The following KCNC1 variants were observed in gnomAD, a reference collection of about 807,000 sequenced individuals.
KCNC1 encodes voltage-gated potassium channel KCNC1.
Under a neutral mutation model 43.4 loss-of-function variants are expected in KCNC1, and 8 were observed. The ratio of observed to expected loss-of-function variants is 0.18; its 90% confidence interval spans 0.11 to 0.33. KCNC1 has a LOEUF of 0.33. Ranked by LOEUF, KCNC1 falls within the 10% of genes least tolerant of loss-of-function variation. KCNC1 has a pLI of 1.00. For missense variants in KCNC1, 420 were observed against 836.0 expected, an observed-to-expected ratio of 0.50 and a Z score of 6.14; for synonymous variants, 361 against 360.5, an observed-to-expected ratio of 1.00 and a Z score of -0.01.
intron 1 of KCNC1, among the ~76,000 whole-genome samples, chr11:17,745,454 G>A (rs1298709926): frequency 3.9e-5 from 6 of 152,036 alleles, no homozygotes; most frequent in South Asian, 4.2e-4. Context: ...CTACCCCCCC[G>A]TGGAAGCCCC....
In KCNC1 at chr11:17,773,741, A is replaced by C; in HGVS notation, c.1504+1143A>C. The C allele has an allele frequency of 1.0e-6, 1 of 985,494 alleles. No individual in the cohort carries two copies. Among genetic ancestry groups the C allele is most frequent in the Non-Finnish European group, 1.2e-6 (1 of 829,944 alleles). 61.0% of individuals were successfully genotyped at this position (985,494 alleles called of 1,614,324 possible). A position where few individuals can be genotyped will look rare whatever the true frequency, so the allele number is the denominator to read the frequency against. On this transcript the variant is annotated intron_variant, in intron 2 of 3. Coordinates refer to ENST00000265969, the MANE Select transcript of KCNC1 (RefSeq NM_001112741.2). The surrounding 1 kb of genome is among the most constrained non-coding windows in gnomAD (Gnocchi z 4.1). ...CCCATAGTCTACCTCTACCCATGGA[A>C]TACCATCGACTTATTCTGTGGACAC... is the stretch of plus-strand genomic sequence containing the variant.
chr11:17,781,462 G>A lies in KCNC1; in HGVS notation c.1694-208G>A. The A allele has an allele frequency of 1.8e-6, 1 of 568,402 alleles. No homozygotes were observed. The highest frequency in any genetic ancestry group is 3.1e-6 in the Non-Finnish European group (1 of 320,388). 35.2% of individuals were successfully genotyped at this position (568,402 alleles called of 1,614,324 possible). Reference sequence around the variant, plus strand: ...GAGTCAATGTGCAGAGCAGAAGTAGGGACTCATCCCATTCCCCCAGGAGGG... The same window carrying A: ...GAGTCAATGTGCAGAGCAGAAGTAGAGACTCATCCCATTCCCCCAGGAGGG... On this transcript the variant is annotated intron_variant, in intron 3 of 3. Coordinates refer to ENST00000265969, the MANE Select transcript of KCNC1 (RefSeq NM_001112741.2). This position sits in a 1 kb window ranked among gnomAD's most constrained non-coding sequence, Gnocchi z 5.1.
At chr11:17,760,450 A>G (rs1215286671) in intron 1 of KCNC1, among the ~76,000 whole-genome samples, 3 of 152,194 alleles carry the variant, frequency 2.0e-5, no homozygotes. Flanking sequence ...TTTATTTACC[A>G]TCTGCTCTCC....
intron 1 of KCNC1, among the ~76,000 whole-genome samples, chr11:17,745,233 G>A (rs561565307): frequency 1.1e-4 from 17 of 152,206 alleles, no homozygotes; most frequent in African/African-American, 3.6e-4. Flanking sequence ...CAAGCAAGCC[G>A]CTCCTTCCTG....
Position 17,736,679 on chromosome 11 carries a change from C to T in KCNC1, c.570+107C>T. 1 of 1,430,672 alleles carries T rather than the reference C, an allele frequency of 7.0e-7. No individual in the cohort carries two copies. The highest frequency in any genetic ancestry group is 9.1e-7 in the Non-Finnish European group (1 of 1,096,348). The allele number at this position is 1,430,672 out of a possible 1,614,324, so 88.6% of individuals were successfully genotyped here. A position where few individuals can be genotyped will look rare whatever the true frequency, so the allele number is the denominator to read the frequency against. ...AACTGGCGCCTAGGGAGTTCAGAATCGAAAGGGGGTGTGTGCGCATGTGTG... is the reference window on the plus strand; with the variant it reads ...AACTGGCGCCTAGGGAGTTCAGAATTGAAAGGGGGTGTGTGCGCATGTGTG... On this transcript the variant is annotated intron_variant, in intron 1 of 3. Transcript: ENST00000265969. This position sits in a 1 kb window ranked among gnomAD's most constrained non-coding sequence, Gnocchi z 9.3.
At chr11:17,747,147 C>T (rs1427394316) in intron 1 of KCNC1, among the ~76,000 whole-genome samples, 1 of 152,130 alleles carries the variant, frequency 6.6e-6, no homozygotes, top group Non-Finnish European at 1.5e-5. Flanking sequence ...GTCCCTTCCT[C>T]CAGTCTGTCT....
At chr11:17,754,485 C>T (rs1010811757) in intron 1 of KCNC1, among the ~76,000 whole-genome samples, 1 of 152,222 alleles carries the variant, frequency 6.6e-6, no homozygotes, top group Non-Finnish European at 1.5e-5. Flanking sequence ...GGGCAGCAAG[C>T]ACCAGCCGCC....
chr11:17,767,605 G>A (rs1163500496), intron 1 of KCNC1, among the ~76,000 whole-genome samples: 6 of 152,234 alleles, frequency 3.9e-5, no homozygotes, highest in Admixed American at 3.3e-4. Context: ...CTAGACTTAG[G>A]AGGACACTGG....
intron 2 of KCNC1, chr11:17,775,773 G>A (rs887152322): frequency 1.0e-6 from 1 of 985,808 alleles, no homozygotes; most frequent in African/African-American, 1.7e-5. Context: ...GTGGCCGGTG[G>A]AGGGGGTGGT....
chr11:17,774,476 T>C, intron 2 of KCNC1: 1 of 985,534 alleles, frequency 1.0e-6, no homozygotes, highest in South Asian at 4.7e-5. Context: ...CAGATTCCTC[T>C]GTACTCTTGG....
chr11:17,759,700 C>T (rs1849057137), intron 1 of KCNC1, among the ~76,000 whole-genome samples: 1 of 152,056 alleles, frequency 6.6e-6, no homozygotes, highest in African/African-American at 2.4e-5. Flanking sequence ...CCAGTCAGAA[C>T]TCAGATAACA....
Position 17,781,896 on chromosome 11 carries a change from C to A in KCNC1, c.*162C>A. The A allele has an allele frequency of 1.6e-4, 70 of 438,874 alleles. No homozygotes were observed. Among genetic ancestry groups the A allele is most frequent in the Non-Finnish European group, 1.9e-4 (46 of 244,156 alleles). The allele number at this position is 438,874 out of a possible 1,614,324, so 27.2% of individuals were successfully genotyped here. ...GGACGGACGTAGCTTTTTCTACGGC[C>A]AAATGGTAACTGACCGTAGAGGATT... On this transcript the variant is annotated 3_prime_UTR_variant, in exon 4 of 4. Transcript: ENST00000265969. The surrounding 1 kb of genome is among the most constrained non-coding windows in gnomAD (Gnocchi z 5.1).
chr11:17,744,740 G>A (rs1453681083), intron 1 of KCNC1, among the ~76,000 whole-genome samples: 1 of 152,094 alleles, frequency 6.6e-6, no homozygotes, highest in Non-Finnish European at 1.5e-5. Flanking sequence ...GTGCTGTGCT[G>A]GAAGGGCCAG....
intron 2 of KCNC1, chr11:17,775,725 C>T (rs541906600): frequency 1.0e-5 from 10 of 985,774 alleles, no homozygotes; most frequent in Admixed American, 6.1e-5. Flanking sequence ...TGTGGTGCCG[C>T]GTCCAGGGCT....
rs190915314 is a variant in KCNC1, at chr11:17,759,577, C to G, written c.571-12088C>G. ...TTAAAGTGAGAGGCATGAAACTCTT[C>G]CTTTCACTAGACCACCTAGAGACCA... On this transcript the variant is annotated intron_variant, in intron 1 of 3. Transcript: ENST00000265969. Among the ~76,000 whole-genome samples, 966 of 152,232 alleles carry G rather than the reference C, an allele frequency of 6.3e-3. 12 individuals carry two copies. Among genetic ancestry groups the G allele is most frequent in the Non-Finnish European group, 7.7e-3 (523 of 68,026 alleles).
In KCNC1 at chr11:17,781,456, A is replaced by T; in HGVS notation, c.1694-214A>T. 5.4e-6 allele frequency: 3 copies of T among 554,558 alleles called. No individual in the cohort carries two copies. Among genetic ancestry groups the T allele is most frequent in the Non-Finnish European group, 6.4e-6 (2 of 313,434 alleles). The allele number at this position is 554,558 out of a possible 1,614,324, so 34.4% of individuals were successfully genotyped here. On this transcript the variant is annotated intron_variant, in intron 3 of 3. Transcript: ENST00000265969. The surrounding 1 kb of genome is among the most constrained non-coding windows in gnomAD (Gnocchi z 5.1). ...GTGTGTGAGTCAATGTGCAGAGCAG[A>T]AGTAGGGACTCATCCCATTCCCCCA...
chr11:17,738,015 G>C (rs963849075), intron 1 of KCNC1, among the ~76,000 whole-genome samples: 6 of 152,030 alleles, frequency 3.9e-5, no homozygotes, highest in Non-Finnish European at 8.8e-5. Flanking sequence ...GGCGGGCGGG[G>C]GGCAGGTAGC....
chr11:17,758,289 A>C (rs1849042840), intron 1 of KCNC1, among the ~76,000 whole-genome samples: 1 of 152,208 alleles, frequency 6.6e-6, no homozygotes, highest in Non-Finnish European at 1.5e-5. Flanking sequence ...CTCTACTTCT[A>C]ATTCTAGCTC....
intron 1 of KCNC1, among the ~76,000 whole-genome samples, chr11:17,754,356 G>T (rs1179941217): frequency 6.6e-6 from 1 of 152,210 alleles, no homozygotes; most frequent in African/African-American, 2.4e-5. Flanking sequence ...CCAGTGTAGC[G>T]CTTCCGTTAC....
Sources: gnomAD v4.1 joint callset for allele counts (sites outside exome capture counted in the v4.1 genomes callset) on GRCh38, gnomAD v4.1.1 for gene constraint, Gnocchi (gnomAD v3.1) non-coding constraint, MANE v1.5 for transcripts, NCBI Gene and HGNC (gene_info 2026-07-23, HGNC 2026-07-21) for gene names.